Variants in KCNQ1 observed in about 807,000 individuals in gnomAD.
The protein encoded by KCNQ1 is potassium voltage-gated channel subfamily Q member 1.
A neutral mutation model predicts 72.4 loss-of-function variants in KCNQ1; 49 were observed. The observed-to-expected ratio is 0.68, with a 90% CI of 0.54 to 0.86. The LOEUF (loss-of-function observed/expected upper bound fraction) is 0.86, where lower values mean the gene tolerates loss of function less well. KCNQ1 is among the 40% of genes least tolerant of loss of function. The pLI, the probability that KCNQ1 is intolerant of heterozygous loss-of-function variation, is 0.00. For missense variants in KCNQ1, 790 were observed against 945.1 expected (o/e 0.84, Z 2.15); for synonymous variants, 450 against 412.6 (o/e 1.09, Z -1.10).
chr11:2,465,651 T>C (rs1028917445), intron 1 of KCNQ1, among the ~76,000 whole-genome samples: 2 of 152,032 alleles, frequency 1.3e-5, no homozygotes, highest in South Asian at 2.1e-4. Flanking sequence ...GGGGGTGGAA[T>C]TGGAGAGGGG....
intron 15 of KCNQ1, among the ~76,000 whole-genome samples, chr11:2,778,600 C>A (rs1273401685): frequency 1.3e-5 from 2 of 151,582 alleles, no homozygotes; most frequent in Non-Finnish European, 2.9e-5. Flanking sequence ...CGGAGCCTCT[C>A]CCCCAGGCAC....
chr11:2,820,059 C>T (rs1847699378), intron 15 of KCNQ1, among the ~76,000 whole-genome samples: 1 of 152,180 alleles, frequency 6.6e-6, no homozygotes, highest in Admixed American at 6.5e-5. Flanking sequence ...AATTCTTTTT[C>T]ATAAAATATT....
In KCNQ1 at chr11:2,462,125, G is replaced by A. The variant is rs559253348; in HGVS notation, c.386+16641G>A. On this transcript the variant is annotated intron_variant, in intron 1 of 15. Transcript: ENST00000155840. The surrounding 1 kb of genome is among the most constrained non-coding windows in gnomAD (Gnocchi z 8.2). ...GAATCCTTCCCTGGGCTGAGGGGGC[G>A]TTGCTGTGGGTGTATCTCATGGAGA... The A allele has an allele frequency of 5.6e-5, 16 of 283,602 alleles. No individual in the cohort carries two copies. Among genetic ancestry groups the A allele is most frequent in the East Asian group, 5.2e-4 (6 of 11,508 alleles). The allele number at this position is 283,602 out of a possible 1,614,324, so 17.6% of individuals were successfully genotyped here.
intron 10 of KCNQ1, among the ~76,000 whole-genome samples, chr11:2,604,778 C>G (rs1254786711): frequency 1.3e-5 from 2 of 152,042 alleles, no homozygotes; most frequent in Non-Finnish European, 2.9e-5. Flanking sequence ...CTCCTGACCT[C>G]GTGATCCACC....
In KCNQ1 at chr11:2,659,249, C is replaced by G. The variant is rs1452066624; in HGVS notation, c.1394-2712C>G. 5.0e-6 allele frequency: 2 copies of G among 398,474 alleles called. No individual in the cohort carries two copies. The highest frequency in any genetic ancestry group is 4.1e-5 in the African/African-American group (2 of 48,618). 24.7% of individuals were successfully genotyped at this position (398,474 alleles called of 1,614,324 possible). On this transcript the variant is annotated intron_variant, in intron 10 of 15. Coordinates refer to ENST00000155840, the MANE Select transcript of KCNQ1 (RefSeq NM_000218.3). This position sits in a 1 kb window ranked among gnomAD's most constrained non-coding sequence, Gnocchi z 4.3. ...CCCCTAAAAATACCCTGGGGTGAGT[C>G]TTTTGAAGTCAAGTACTTCTCCCCT...
rs1235143647 is a variant in KCNQ1, at chr11:2,813,634, A to G, written c.1795-34133A>G. 6.6e-6 allele frequency among the ~76,000 whole-genome samples: 1 copy of G among 152,052 alleles called. No homozygotes were observed. The highest frequency in any genetic ancestry group is 1.5e-5 in the Non-Finnish European group (1 of 68,016). The stretch of plus-strand genomic sequence containing the variant: ...GAGAGAAGGAACAGAGGGGAGGACC[A>G]ACATCTCGGCTGATCCTGGTCTATT... On this transcript the variant is annotated intron_variant, in intron 15 of 15. Transcript: ENST00000155840. This position sits in a 1 kb window ranked among gnomAD's most constrained non-coding sequence, Gnocchi z 4.4.
chr11:2,614,611 C>G (rs1039864684), intron 10 of KCNQ1: 1 of 398,252 alleles, frequency 2.5e-6, no homozygotes, highest in East Asian at 3.6e-5. Context: ...ATCCAGTTGC[C>G]CCAGCACCAT....
rs1367515882 is a variant in KCNQ1 at position 2,723,123 on chromosome 11, C to T, written c.1515-45721C>T. On this transcript the variant is annotated intron_variant, in intron 11 of 15. Transcript: ENST00000155840. This position sits in a 1 kb window ranked among gnomAD's most constrained non-coding sequence, Gnocchi z 4.2. Reference sequence around the variant, plus strand: ...GGATCCTGAAAACAGGCTCCGCCTTCCTCTGTGGCTCTGCCTTCCTCTTGG... The same window carrying T: ...GGATCCTGAAAACAGGCTCCGCCTTTCTCTGTGGCTCTGCCTTCCTCTTGG... 2.0e-5 allele frequency among the ~76,000 whole-genome samples: 3 copies of T among 152,234 alleles called. No individual in the cohort carries two copies. Among genetic ancestry groups the T allele is most frequent in the Non-Finnish European group, 4.4e-5 (3 of 68,036 alleles).
At chr11:2,469,576 G>A (rs560602039) in intron 1 of KCNQ1, among the ~76,000 whole-genome samples, 1 of 151,358 alleles carries the variant, frequency 6.6e-6, no homozygotes, top group South Asian at 2.1e-4. Context: ...CGGCCGAGAT[G>A]TTACATGTTT....
At chr11:2,825,542 G>T (rs1847821136) in intron 15 of KCNQ1, among the ~76,000 whole-genome samples, 1 of 152,222 alleles carries the variant, frequency 6.6e-6, no homozygotes. Flanking sequence ...CACCCTGGAC[G>T]CTTCCTTCTT....
At position 2,661,867 on chromosome 11, in the gene KCNQ1, C is replaced by T; in HGVS notation, c.1394-94C>T. ...GGAGCTTCCAGGCACAAGCTCCACT[C>T]CTCACCTGGCCCTGGGAGCTCACAG... On this transcript the variant is annotated intron_variant, in intron 10 of 15. Transcript: ENST00000155840. This position sits in a 1 kb window ranked among gnomAD's most constrained non-coding sequence, Gnocchi z 5.9. 5.3e-6 allele frequency: 8 copies of T among 1,515,334 alleles called. No individual in the cohort carries two copies. The highest frequency in any genetic ancestry group is 7.3e-6 in the Non-Finnish European group (8 of 1,092,608). 93.9% of individuals were successfully genotyped at this position (1,515,334 alleles called of 1,614,324 possible).
intron 1 of KCNQ1, among the ~76,000 whole-genome samples, chr11:2,512,616 G>GC (rs1344498580): frequency 2.0e-5 from 3 of 152,218 alleles, no homozygotes; most frequent in Non-Finnish European, 4.4e-5. Context: ...CCCTCTGGCC[G>GC]CCTCTTGCTC....
chr11:2,576,661 C>T (rs1305116108), intron 6 of KCNQ1, among the ~76,000 whole-genome samples: 3 of 152,254 alleles, frequency 2.0e-5, no homozygotes, highest in African/African-American at 7.2e-5. Context: ...TCCAGAAATT[C>T]CCGCCTCCCT....
intron 2 of KCNQ1, among the ~76,000 whole-genome samples, chr11:2,554,497 G>A (rs1051242115): frequency 1.1e-4 from 17 of 152,212 alleles, no homozygotes; most frequent in African/African-American, 4.1e-4. Context: ...ACCTCTGAAT[G>A]CAGCCATCTG....
Position 2,781,447 on chromosome 11 carries a change from A to G in KCNQ1, c.1794+3410A>G, listed in dbSNP as rs566471637. Among the ~76,000 whole-genome samples, 4 of 152,286 alleles carry G rather than the reference A, an allele frequency of 2.6e-5. No individual in the cohort carries two copies. The highest frequency in any genetic ancestry group is 7.2e-5 in the African/African-American group (3 of 41,572). ...GCTGGGGGCACCAGCAGCAGGGCCC[A>G]GGGCCTTCAGTGTGGGCCAGGGACC... On this transcript the variant is annotated intron_variant, in intron 15 of 15. Coordinates refer to ENST00000155840, the MANE Select transcript of KCNQ1 (RefSeq NM_000218.3). This position sits in a 1 kb window ranked among gnomAD's most constrained non-coding sequence, Gnocchi z 6.6.
chr11:2,557,618 C>T (rs1243783384), intron 2 of KCNQ1, among the ~76,000 whole-genome samples: 4 of 152,232 alleles, frequency 2.6e-5, no homozygotes, highest in African/African-American at 7.2e-5. Context: ...TCAGCTGGGG[C>T]TGGAGCCTCC....
chr11:2,588,448 T>C lies in KCNQ1; in HGVS notation c.1252-265T>C, dbSNP rs1848625127. 6.6e-6 allele frequency among the ~76,000 whole-genome samples: 1 copy of C among 152,154 alleles called. No individual in the cohort carries two copies. Among genetic ancestry groups the C allele is most frequent in the Admixed American group, 6.5e-5 (1 of 15,280 alleles). On this transcript the variant is annotated intron_variant, in intron 9 of 15. Transcript: ENST00000155840. This position sits in a 1 kb window ranked among gnomAD's most constrained non-coding sequence, Gnocchi z 5.6. ...GTTACCACCTCCACTGGCACCATCT[T>C]GTACGTTTATCTGCTTCCTGCTGTC...
chr11:2,807,626 G>A (rs1847406623), intron 15 of KCNQ1, among the ~76,000 whole-genome samples: 1 of 152,294 alleles, frequency 6.6e-6, no homozygotes, highest in South Asian at 2.1e-4. Flanking sequence ...ACCCGCGCCA[G>A]GACAGCCGGC....
At position 2,628,587 on chromosome 11, in the gene KCNQ1, G is replaced by A. The variant is rs72850246; in HGVS notation, c.1394-33374G>A. 3.3e-3 allele frequency: 1,297 copies of A among 398,392 alleles called. 5 individuals carry two copies. Among genetic ancestry groups the A allele is most frequent in the Non-Finnish European group, 4.4e-3 (984 of 225,990 alleles). The allele number at this position is 398,392 out of a possible 1,614,324, so 24.7% of individuals were successfully genotyped here. On this transcript the variant is annotated intron_variant, in intron 10 of 15. Transcript: ENST00000155840. Reference sequence around the variant, plus strand: ...TTGGAAATATTTTCTCCCGCTACATGTGCTGCCTTTTCATTTTGTTGTTTC... The same window carrying A: ...TTGGAAATATTTTCTCCCGCTACATATGCTGCCTTTTCATTTTGTTGTTTC...
Sources: allele counts gnomAD v4.1 joint callset (sites outside exome capture counted in the v4.1 genomes callset), GRCh38; gene constraint gnomAD v4.1.1; non-coding constraint Gnocchi (gnomAD v3.1); transcripts MANE v1.5; gene names NCBI Gene and HGNC (gene_info 2026-07-23, HGNC 2026-07-21).